TNKS: variants seen among roughly 807,000 people sequenced by gnomAD.
The protein encoded by TNKS is poly [ADP-ribose] polymerase tankyrase-1.
TNKS carries 72 observed loss-of-function variants against 135.8 expected under a neutral mutation model. That is an observed-to-expected ratio of 0.53 (90% CI 0.44 to 0.64). TNKS has a LOEUF of 0.64. TNKS is among the 30% of genes least tolerant of loss of function. The pLI is 0.00. For synonymous variants in TNKS, 849 were observed against 649.3 expected, an observed-to-expected ratio of 1.31 and a Z score of -4.68; for missense variants, 1,769 against 1,674.0, an observed-to-expected ratio of 1.06 and a Z score of -0.99.
chr8:9,617,000 A>C (rs1799668520), intron 3 of TNKS, among the ~76,000 whole-genome samples: 1 of 152,222 alleles, frequency 6.6e-6, no homozygotes, highest in Admixed American at 6.5e-5. Context: ...ATAAATGCTG[A>C]GCAAGACTCT....
At chr8:9,656,330 A>G (rs1251774304) in intron 3 of TNKS, among the ~76,000 whole-genome samples, 1 of 152,244 alleles carries the variant, frequency 6.6e-6, no homozygotes, top group Non-Finnish European at 1.5e-5. Flanking sequence ...GATATTATCC[A>G]GGAGAACTTC....
At position 9,556,288 on chromosome 8, in the gene TNKS, G is replaced by A. The variant is rs761669065; in HGVS notation, c.349G>A (p.Ala117Thr). Residue 117 changes from alanine to threonine, a missense_variant, in exon 1 of 27, where the codon GCT (alanine) becomes ACT (threonine). This residue lies in a region of TNKS where 450 missense variants were observed against 304.9 expected (regional missense o/e 1.48). Transcript: ENST00000310430. ...TTCTACTTCATCTGCCGCTGGGGTC[G>A]CTCCCAACCCAGCCGGCAGTGGCAG... ...AVSTSSAAGV[A>T]PNPAGSGSNN... 8 of 1,614,126 alleles carry A rather than the reference G, an allele frequency of 5.0e-6. No individual in the cohort carries two copies. In the African/African-American group the frequency reaches 8.0e-5, roughly 16 times the overall value.
At chr8:9,766,142 T>TTTCTTAATATTAA in intron 24 of TNKS, 97 bp from the exon 25 acceptor site, 4 of 1,029,990 alleles carry the variant, frequency 3.9e-6, no homozygotes, top group Non-Finnish European at 5.6e-6. Context: ...ACACCATTCA[T>TTTCTTAATATTAA]TTCTTAATAT....
intron 14 of TNKS, among the ~76,000 whole-genome samples, chr8:9,731,519 C>G (rs1427959852): frequency 6.7e-6 from 1 of 150,110 alleles, no homozygotes; most frequent in East Asian, 1.9e-4. Flanking sequence ...TGAAAATTTC[C>G]TGTCAGCCCA....
At chr8:9,556,821 T>G in intron 1 of TNKS, 2 of 589,120 alleles carry the variant, frequency 3.4e-6, no homozygotes, top group Non-Finnish European at 6.0e-6. Flanking sequence ...CAAGGAATTC[T>G]TCAGTGGTTG....
intron 12 of TNKS, among the ~76,000 whole-genome samples, chr8:9,724,069 C>G (rs1023670364): frequency 6.7e-6 from 1 of 148,946 alleles, no homozygotes; most frequent in Non-Finnish European, 1.5e-5. Context: ...GCGTTTCTAA[C>G]TTTTTAAAAA....
chr8:9,714,423 G>C (rs1585365178), intron 11 of TNKS, among the ~76,000 whole-genome samples: 2 of 151,836 alleles, frequency 1.3e-5, no homozygotes, highest in South Asian at 4.2e-4. Context: ...GTGAATATGA[G>C]CCTTTTTTCC....
chr8:9,622,587 G>T (rs1799906715), intron 3 of TNKS, among the ~76,000 whole-genome samples: 2 of 152,164 alleles, frequency 1.3e-5, no homozygotes, highest in African/African-American at 4.8e-5. Context: ...TGCAGAATCA[G>T]ACTTTTTACC....
chr8:9,584,882 A>C (rs1282077339), intron 2 of TNKS, among the ~76,000 whole-genome samples: 1 of 152,208 alleles, frequency 6.6e-6, no homozygotes, highest in East Asian at 1.9e-4. Flanking sequence ...CATTCTAAAG[A>C]TAACAGAGGT....
chr8:9,672,965 G>A (rs1386524535), intron 3 of TNKS, among the ~76,000 whole-genome samples: 2 of 151,972 alleles, frequency 1.3e-5, no homozygotes, highest in Non-Finnish European at 2.9e-5. Flanking sequence ...TTAAAGTACC[G>A]GCACACTTTG....
intron 11 of TNKS, among the ~76,000 whole-genome samples, chr8:9,716,664 C>T (rs1427531971): frequency 6.6e-6 from 1 of 152,014 alleles, no homozygotes; most frequent in Non-Finnish European, 1.5e-5. Flanking sequence ...CTCTGCCTCC[C>T]TGCTTCCCTC....
At chr8:9,726,813 A>G in intron 13 of TNKS, 93 bp downstream of exon 13, 1 of 1,014,272 alleles carries the variant, frequency 9.9e-7, no homozygotes, top group African/African-American at 1.6e-5. Context: ...TCAAATACAA[A>G]CAGTAAAAAG....
intron 3 of TNKS, among the ~76,000 whole-genome samples, chr8:9,662,323 T>C (rs1159741264): frequency 6.6e-6 from 1 of 152,114 alleles, no homozygotes; most frequent in African/African-American, 2.4e-5. Flanking sequence ...CTATTCACAA[T>C]AGCAAAGACT....
intron 3 of TNKS, among the ~76,000 whole-genome samples, chr8:9,657,840 C>T (rs1585288491): frequency 6.7e-6 from 1 of 149,918 alleles, no homozygotes; most frequent in East Asian, 2.0e-4. Context: ...CCTCACTTCT[C>T]AGACGGGGCA....
intron 2 of TNKS, among the ~76,000 whole-genome samples, chr8:9,601,121 G>T (rs759882844): frequency 2.0e-5 from 3 of 152,102 alleles, no homozygotes; most frequent in Non-Finnish European, 2.9e-5. Flanking sequence ...ACACATATAT[G>T]TAATAAATAC....
chr8:9,776,687 A>T lies in TNKS; in HGVS notation c.3935A>T (p.Lys1312Met). The change falls in exon 27 of 27, where the codon AAG becomes ATG. Residue 1312 changes from lysine (K) to methionine (M), a missense_variant. This residue lies in a region of TNKS where 722 missense variants were observed against 688.9 expected (regional missense o/e 1.05). Transcript: ENST00000310430. ...PEYLITYQIMKPEAPSQTATA... is the reference protein window; with the variant it reads ...PEYLITYQIMMPEAPSQTATA... Reference sequence around the variant, plus strand: ...TATCTTATCACTTACCAGATCATGAAGCCAGAAGCCCCTTCCCAGACCGCA... The same window carrying T: ...TATCTTATCACTTACCAGATCATGATGCCAGAAGCCCCTTCCCAGACCGCA... 2 of 1,614,062 alleles carry T rather than the reference A, an allele frequency of 1.2e-6. No homozygotes were observed. Among genetic ancestry groups the T allele is most frequent in the East Asian group, 4.5e-5 (2 of 44,882 alleles).
Position 9,587,302 on chromosome 8 carries a change from T to G in TNKS, c.898+6919T>G, listed in dbSNP as rs1053894427. Among the ~76,000 whole-genome samples the G allele has an allele frequency of 2.6e-5, 4 of 151,732 alleles. No homozygotes were observed. The South Asian group carries it at 8.3e-4, about 32-fold the overall frequency. On this transcript the variant is annotated intron_variant, in intron 2 of 26. Transcript: ENST00000310430. ...AAAAGAGAGAAAGGGTTCCCTAAAC[T>G]AAGGAATGGGGGTAGCCCCAAGAAG...
chr8:9,766,105 CCTT>C (rs1807429234), intron 24 of TNKS, 131 bp from the exon 25 acceptor site: 3 of 763,826 alleles, frequency 3.9e-6, no homozygotes, highest in African/African-American at 3.5e-5. Flanking sequence ...GTATAATAGA[CCTT>C]CTTAGAAAAT....
intron 3 of TNKS, among the ~76,000 whole-genome samples, chr8:9,674,679 G>C (rs2128794637): frequency 6.6e-6 from 1 of 152,234 alleles, no homozygotes; most frequent in Middle Eastern, 3.4e-3. Context: ...TGTAAGTGTT[G>C]AGGGGAGTGG....
Sources: allele counts gnomAD v4.1 joint callset (sites outside exome capture counted in the v4.1 genomes callset), GRCh38; gene constraint gnomAD v4.1.1; regional missense constraint gnomAD v4.1.1; transcripts MANE v1.5; gene names NCBI Gene and HGNC (gene_info 2026-07-23, HGNC 2026-07-21).